The following KLHL29 variants were observed in gnomAD, a reference collection of about 807,000 sequenced individuals.
KLHL29 encodes kelch like family member 29.
Under a neutral mutation model 80.4 loss-of-function variants are expected in KLHL29, and 21 were observed. That is an observed-to-expected ratio of 0.26 (90% CI 0.19 to 0.38). The LOEUF is 0.38. Among genes scored for constraint, KLHL29 ranks in the 10% least tolerant of loss-of-function variants. The pLI, the probability that KLHL29 is intolerant of heterozygous loss-of-function variation, is 1.00. For synonymous variants in KLHL29, 511 were observed against 526.8 expected, an observed-to-expected ratio of 0.97 and a Z score of 0.41; for missense variants, 867 against 1,223.9, an observed-to-expected ratio of 0.71 and a Z score of 4.35.
intron 3 of KLHL29, among the ~76,000 whole-genome samples, chr2:23,577,383 G>A (rs895701985): frequency 2.6e-5 from 4 of 152,048 alleles, no homozygotes; most frequent in Non-Finnish European, 5.9e-5. Context: ...CCCAGGAGGC[G>A]GAGGTTGCAG....
chr2:23,633,173 A>G (rs1277094720), intron 3 of KLHL29, among the ~76,000 whole-genome samples: 1 of 152,204 alleles, frequency 6.6e-6, no homozygotes, highest in East Asian at 1.9e-4. Context: ...AGGTCCGGGT[A>G]CAGGGAGCTT....
At chr2:23,665,901 G>A (rs1200984479) in intron 5 of KLHL29, among the ~76,000 whole-genome samples, 3 of 152,184 alleles carry the variant, frequency 2.0e-5, no homozygotes, top group Non-Finnish European at 4.4e-5. Flanking sequence ...GAGATTTGGA[G>A]GGGACAAATA....
chr2:23,588,571 A>G (rs1029811684), intron 3 of KLHL29, among the ~76,000 whole-genome samples: 8 of 152,148 alleles, frequency 5.3e-5, no homozygotes, highest in African/African-American at 1.9e-4. Flanking sequence ...GGTGCTTCTT[A>G]GACTGTGGTC....
rs1487777357 is a variant in KLHL29, at chr2:23,642,960, C to A, written c.940+110C>A. 13 of 1,271,136 alleles carry A rather than the reference C, an allele frequency of 1.0e-5. No homozygotes were observed. In the East Asian group the frequency reaches 2.8e-4, roughly 27 times the overall value. 78.7% of individuals were successfully genotyped at this position (1,271,136 alleles called of 1,614,324 possible). ...TGCTTCATGCCAGCTCCTTCACTGG[C>A]CTCCCCAACCCAGAGGCTGCAGTGG... On this transcript the variant is annotated intron_variant, in intron 5 of 13. Transcript: ENST00000486442.
chr2:23,555,564 A>G (rs1204321761), intron 2 of KLHL29, among the ~76,000 whole-genome samples: 1 of 152,196 alleles, frequency 6.6e-6, no homozygotes, highest in African/African-American at 2.4e-5. Context: ...GCCAGTTTCC[A>G]TTCATTCCCG....
At chr2:23,634,689 A>G (rs1222400145) in intron 3 of KLHL29, among the ~76,000 whole-genome samples, 2 of 152,132 alleles carry the variant, frequency 1.3e-5, no homozygotes, top group Non-Finnish European at 2.9e-5. Context: ...TGGGCCATCC[A>G]GGGCTCCAGG....
chr2:23,672,726 C>G (rs1670800942), intron 5 of KLHL29: 1 of 152,798 alleles, frequency 6.5e-6, no homozygotes, highest in Admixed American at 6.5e-5. Context: ...CAGCTCTCAC[C>G]TCACCCCAGC....
At chr2:23,606,191 AGAGAGAGAGG>A (rs1668721346) in intron 3 of KLHL29, among the ~76,000 whole-genome samples, 1 of 150,110 alleles carries the variant, frequency 6.7e-6, no homozygotes, top group African/African-American at 2.5e-5. Flanking sequence ...AGAGAGAGGG[AGAGAGAGAGG>A]GAGAGAGAGA....
rs548833798 is a variant in KLHL29, at chr2:23,642,391, G to A, written c.481G>A (p.Ala161Thr). Residue 161 changes from alanine (A) to threonine (T), a missense_variant, in exon 5 of 14, where the codon GCA becomes ACA. This residue lies in a region of KLHL29 where 424 missense variants were observed against 456.9 expected (regional missense o/e 0.93). Transcript: ENST00000486442. ...CGCCGGGAACCAGCCCACCCTGATT[G>A]CACACTCCTATGGAGTGGCCCAGCC... ...VAAGNQPTLI[A>T]HSYGVAQPPT... 113 of 1,448,422 alleles carry A rather than the reference G, an allele frequency of 7.8e-5. No individual in the cohort carries two copies. Among genetic ancestry groups the A allele is most frequent in the Non-Finnish European group, 9.3e-5 (102 of 1,094,846 alleles). 89.7% of individuals were successfully genotyped at this position (1,448,422 alleles called of 1,614,324 possible).
chr2:23,519,670 G>A (rs1007767011), intron 2 of KLHL29, among the ~76,000 whole-genome samples: 11 of 152,162 alleles, frequency 7.2e-5, no homozygotes, highest in South Asian at 2.1e-4. Flanking sequence ...AAGTCCTGAC[G>A]ACATGTTCCC....
intron 3 of KLHL29, among the ~76,000 whole-genome samples, chr2:23,616,107 C>A (rs977218050): frequency 2.6e-5 from 4 of 152,166 alleles, no homozygotes; most frequent in African/African-American, 9.7e-5. Context: ...CTGCTATTGG[C>A]CACTGAGCCA....
At chr2:23,706,175 G>A (rs774525059) in intron 13 of KLHL29, among the ~76,000 whole-genome samples, 3 of 152,232 alleles carry the variant, frequency 2.0e-5, no homozygotes, top group Non-Finnish European at 4.4e-5. Context: ...AAGCCTCAGT[G>A]ACCTGAGCTG....
intron 1 of KLHL29, among the ~76,000 whole-genome samples, chr2:23,474,519 G>GTTA (rs1664578234): frequency 6.6e-6 from 1 of 152,182 alleles, no homozygotes; most frequent in Admixed American, 6.5e-5. Flanking sequence ...CCCCGCAGAG[G>GTTA]TTATTTCTTA....
intron 4 of KLHL29, among the ~76,000 whole-genome samples, chr2:23,641,722 A>G (rs1669775894): frequency 6.6e-6 from 1 of 152,154 alleles, no homozygotes; most frequent in Admixed American, 6.5e-5. Context: ...GGTGGCTCAT[A>G]CCTGTGGTCC....
intron 2 of KLHL29, among the ~76,000 whole-genome samples, chr2:23,544,490 A>G (rs1322778569): frequency 6.6e-6 from 1 of 152,226 alleles, no homozygotes; most frequent in Non-Finnish European, 1.5e-5. Context: ...CAGAATTGTT[A>G]TGTAGATTAA....
At chr2:23,632,517 C>A (rs1187264435) in intron 3 of KLHL29, among the ~76,000 whole-genome samples, 1 of 152,254 alleles carries the variant, frequency 6.6e-6, no homozygotes, top group Non-Finnish European at 1.5e-5. Flanking sequence ...AGTGAAATAT[C>A]CACTCTTTGC....
chr2:23,558,669 T>G (rs572789248), intron 2 of KLHL29, among the ~76,000 whole-genome samples: 1 of 152,284 alleles, frequency 6.6e-6, no homozygotes, highest in Non-Finnish European at 1.5e-5. Context: ...CTCCCAAAGT[T>G]CTGGGATTAC....
At chr2:23,578,576 G>A (rs1259851321) in intron 3 of KLHL29, among the ~76,000 whole-genome samples, 1 of 152,108 alleles carries the variant, frequency 6.6e-6, no homozygotes, top group Non-Finnish European at 1.5e-5. Context: ...CTCTCTGCCT[G>A]TCTCTTTCCC....
At chr2:23,586,273 T>G (rs767273708) in intron 3 of KLHL29, among the ~76,000 whole-genome samples, 8 of 151,998 alleles carry the variant, frequency 5.3e-5, no homozygotes, top group Non-Finnish European at 8.8e-5. Context: ...CACCACTATC[T>G]AGTTCCAGAA....
Sources: allele counts gnomAD v4.1 joint callset (sites outside exome capture counted in the v4.1 genomes callset), GRCh38; gene constraint gnomAD v4.1.1; regional missense constraint gnomAD v4.1.1; transcripts MANE v1.5; gene names NCBI Gene and HGNC (gene_info 2026-07-23, HGNC 2026-07-21).